Variants in GVQW3 observed in about 807,000 individuals in gnomAD.
The protein encoded by GVQW3 is GVQW motif containing 3, also known as protein GVQW3.
GVQW3 carries 7 observed loss-of-function variants against 12.5 expected under a neutral mutation model. The ratio of observed to expected loss-of-function variants is 0.56; its 90% CI spans 0.32 to 1.05. The LOEUF (loss-of-function observed/expected upper bound fraction) is 1.05, where lower values mean the gene tolerates loss of function less well. Ranked by LOEUF, GVQW3 falls within the 50% of genes least tolerant of loss-of-function variation. The pLI is 0.04. For missense variants in GVQW3, 188 were observed against 190.8 expected, an observed-to-expected ratio of 0.99 and a Z score of 0.09; for synonymous variants, 71 against 67.2, an observed-to-expected ratio of 1.06 and a Z score of -0.28.
chr11:76,387,520 C>T (rs918813476), intron 1 of GVQW3, among the ~76,000 whole-genome samples: 2 of 152,022 alleles, frequency 1.3e-5, no homozygotes, highest in African/African-American at 4.8e-5. Flanking sequence ...TGATATAACC[C>T]CCAGTCTAGT....
At chr11:76,410,545 G>C (rs189403722), downstream of GVQW3, among the ~76,000 whole-genome samples, 2 of 152,138 alleles carry the variant, frequency 1.3e-5, no homozygotes, top group East Asian at 3.9e-4. Context: ...AGAAAAGAAA[G>C]AATGAATGTG....
At chr11:76,383,237 T>C (rs1946797270) in intron 1 of GVQW3, 1 of 152,258 alleles carries the variant, frequency 6.6e-6, no homozygotes, top group African/African-American at 2.4e-5. Flanking sequence ...CTGCTGCCTA[T>C]GTGCGGATTC....
chr11:76,389,117 C>T (rs545415373), intron 1 of GVQW3, among the ~76,000 whole-genome samples: 3 of 152,308 alleles, frequency 2.0e-5, no homozygotes, highest in African/African-American at 7.2e-5. Flanking sequence ...ATCCAGTAGA[C>T]TGTTGTGCCA....
rs1947018356 is a variant in GVQW3 at position 76,404,224 on chromosome 11, T to A, written c.*466T>A. ...CTGTGACTGACAGTGAACAATTGAT[T>A]GAGATAACTCACTACCTTTGGACCA... On this transcript the variant is annotated 3_prime_UTR_variant, in exon 2 of 2. Transcript: ENST00000529331. The A allele has an allele frequency of 1.0e-5, 4 of 387,844 alleles. No homozygotes were observed. The Admixed American group carries it at 1.8e-4, about 17-fold the overall frequency. The allele number at this position is 387,844 out of a possible 1,614,324, so 24.0% of individuals were successfully genotyped here. A position where few individuals can be genotyped will look rare whatever the true frequency, so the allele number is the denominator to read the frequency against.
intron 1 of GVQW3, among the ~76,000 whole-genome samples, chr11:76,391,366 C>T (rs984497519): frequency 6.6e-6 from 1 of 152,124 alleles, no homozygotes; most frequent in Non-Finnish European, 1.5e-5. Flanking sequence ...AAGACCGAAA[C>T]GGCTGTTTCT....
intron 1 of GVQW3, among the ~76,000 whole-genome samples, chr11:76,401,668 G>T (rs12225661): frequency 0.23 from 35,384 of 151,276 alleles, 4,412 homozygotes; most frequent in Admixed American, 0.36. Flanking sequence ...AGCTGCTCAT[G>T]AGGCTGAGGC....
At chr11:76,403,206 A>G (rs1396823272) in intron 1 of GVQW3, among the ~76,000 whole-genome samples, 2 of 152,058 alleles carry the variant, frequency 1.3e-5, no homozygotes, top group African/African-American at 4.8e-5. Flanking sequence ...TCAGCCTCCC[A>G]AAGTGCTGGG....
intron 1 of GVQW3, among the ~76,000 whole-genome samples, chr11:76,399,109 T>TATTTTATTTTATTTTATTTC (rs1447506657): frequency 1.4e-5 from 2 of 145,716 alleles, no homozygotes; most frequent in African/African-American, 5.2e-5. Flanking sequence ...TATTGTATTG[T>TATTTTATTTTATTTTATTTC]ATTTTATTTT....
chr11:76,400,716 G>T (rs867894356), intron 1 of GVQW3, among the ~76,000 whole-genome samples: 1 of 152,042 alleles, frequency 6.6e-6, no homozygotes, highest in Non-Finnish European at 1.5e-5. Flanking sequence ...CACTGCACCC[G>T]GCCCCTCTGT....
At chr11:76,389,598 C>T (rs546120486) in intron 1 of GVQW3, 3 of 152,268 alleles carry the variant, frequency 2.0e-5, no homozygotes, top group Non-Finnish European at 4.4e-5. Context: ...GTGATGTAGT[C>T]GTAGGTCGGT....
At chr11:76,394,648 A>C (rs762347296) in intron 1 of GVQW3, among the ~76,000 whole-genome samples, 1 of 152,222 alleles carries the variant, frequency 6.6e-6, no homozygotes, top group Non-Finnish European at 1.5e-5. Context: ...GCTGCAAAAA[A>C]CATGGGAGTG....
intron 1 of GVQW3, among the ~76,000 whole-genome samples, chr11:76,393,088 G>T (rs762341493): frequency 1.7e-4 from 26 of 152,026 alleles, no homozygotes; most frequent in Non-Finnish European, 3.1e-4. Flanking sequence ...ACATTTCCAT[G>T]GTAACATATA....
In GVQW3 at chr11:76,402,414, G is replaced by A. The variant is rs963389822; in HGVS notation, c.466-1246G>A. ...CTAAAAATACAAAAATTAGCTGGGT[G>A]TGGTGGTGCGTGCCTGTAATCCTAG... On this transcript the variant is annotated intron_variant, in intron 1 of 1. Coordinates refer to ENST00000529331, the MANE Select transcript of GVQW3 (RefSeq NM_001347885.2). 5.3e-5 allele frequency among the ~76,000 whole-genome samples: 8 copies of A among 152,100 alleles called. No homozygotes were observed. The East Asian group carries it at 1.2e-3, about 22-fold the overall frequency.
At chr11:76,410,363 C>T (rs759701553), downstream of GVQW3, among the ~76,000 whole-genome samples, 1 of 152,054 alleles carries the variant, frequency 6.6e-6, no homozygotes, top group Non-Finnish European at 1.5e-5. Context: ...TGATGTGACT[C>T]ATGATGCATT....
chr11:76,386,625 G>A (rs199867630), intron 1 of GVQW3, among the ~76,000 whole-genome samples: 38 of 152,290 alleles, frequency 2.5e-4, no homozygotes, highest in Admixed American at 1.4e-3. Flanking sequence ...CACTAGGCTC[G>A]TTGGGATTGG....
chr11:76,397,592 A>G (rs760285590), intron 1 of GVQW3, among the ~76,000 whole-genome samples: 1 of 152,164 alleles, frequency 6.6e-6, no homozygotes, highest in Non-Finnish European at 1.5e-5. Flanking sequence ...CTGATTTGTA[A>G]CATTTGTTAA....
At chr11:76,413,837 A>G (rs1294198556) in exon 2 of GVQW3, 4 of 60,700 alleles carry the variant, frequency 6.6e-5, no homozygotes, top group Non-Finnish European at 1.6e-4. Flanking sequence ...ACTATTTCCA[A>G]TAATGATGCA....
chr11:76,389,132 T>G (rs1324346569), intron 1 of GVQW3, among the ~76,000 whole-genome samples: 1 of 152,226 alleles, frequency 6.6e-6, no homozygotes, highest in East Asian at 1.9e-4. Flanking sequence ...GTGCCATCAT[T>G]ATAATTTATG....
chr11:76,386,169 G>A (rs1946831668), intron 1 of GVQW3, among the ~76,000 whole-genome samples: 1 of 152,192 alleles, frequency 6.6e-6, no homozygotes, highest in South Asian at 2.1e-4. Context: ...GAGCGTCTAA[G>A]AGGAATACAT....
Sources: allele counts gnomAD v4.1 joint callset (sites outside exome capture counted in the v4.1 genomes callset), GRCh38; gene constraint gnomAD v4.1.1; transcripts MANE v1.5; gene names NCBI Gene and HGNC (gene_info 2026-07-23, HGNC 2026-07-21).